The following MIPEP variants were observed in gnomAD, a reference collection of about 807,000 sequenced individuals.
The protein encoded by MIPEP is mitochondrial intermediate peptidase.
Under a neutral mutation model 90.3 loss-of-function variants are expected in MIPEP, and 79 were observed. The ratio of observed to expected loss-of-function variants is 0.87; its 90% CI spans 0.73 to 1.05. The LOEUF (loss-of-function observed/expected upper bound fraction) is 1.05, where lower values mean the gene tolerates loss of function less well. MIPEP is among the 50% of genes least tolerant of loss of function. The pLI is 0.00. For synonymous variants in MIPEP, 334 were observed against 315.8 expected (o/e 1.06, Z -0.61); for missense variants, 940 against 905.6 (o/e 1.04, Z -0.49).
chr13:23,881,056 A>G (rs530844433), intron 3 of MIPEP, among the ~76,000 whole-genome samples: 1 of 152,212 alleles, frequency 6.6e-6, no homozygotes, highest in African/African-American at 2.4e-5. Context: ...TGGAGCTCTT[A>G]TAAGTGGCTT....
At chr13:23,791,881 G>C (rs1470733805) in intron 16 of MIPEP, among the ~76,000 whole-genome samples, 2 of 152,118 alleles carry the variant, frequency 1.3e-5, no homozygotes, top group Non-Finnish European at 2.9e-5. Flanking sequence ...CCACTCAACT[G>C]ATAATGTTCT....
intron 4 of MIPEP, among the ~76,000 whole-genome samples, chr13:23,878,193 T>C (rs1871145530): frequency 6.6e-6 from 1 of 152,226 alleles, no homozygotes; most frequent in South Asian, 2.1e-4. Flanking sequence ...TTAATAGGCA[T>C]TCGACTTTTC....
At chr13:23,876,975 TCTTA>T (rs1566026473) in intron 4 of MIPEP, among the ~76,000 whole-genome samples, 1 of 152,216 alleles carries the variant, frequency 6.6e-6, no homozygotes, top group East Asian at 1.9e-4. Flanking sequence ...TACCAAATAG[TCTTA>T]CTGTTTATGT....
chr13:23,808,414 A>G (rs1953136449), intron 15 of MIPEP, among the ~76,000 whole-genome samples: 1 of 151,992 alleles, frequency 6.6e-6, no homozygotes, highest in Non-Finnish European at 1.5e-5. Flanking sequence ...AACACTGTTT[A>G]TGTCCCCATA....
chr13:23,812,954 TA>T (rs1292060030), intron 14 of MIPEP, among the ~76,000 whole-genome samples: 2 of 152,084 alleles, frequency 1.3e-5, no homozygotes, highest in African/African-American at 4.8e-5. Context: ...AAATCACAAA[TA>T]AAAAATACAC....
chr13:23,872,857 C>A (rs1870885552), intron 5 of MIPEP, among the ~76,000 whole-genome samples: 1 of 152,154 alleles, frequency 6.6e-6, no homozygotes, highest in South Asian at 2.1e-4. Context: ...TCTCTACTAG[C>A]AACCTTCCTT....
At chr13:23,876,167 C>T (rs1461001598) in intron 4 of MIPEP, among the ~76,000 whole-genome samples, 4 of 152,102 alleles carry the variant, frequency 2.6e-5, no homozygotes, top group Non-Finnish European at 5.9e-5. Context: ...TCAATTTACC[C>T]GTAACTAGAG....
At chr13:23,748,364 C>T (rs1362474369) in intron 18 of MIPEP, among the ~76,000 whole-genome samples, 4 of 152,194 alleles carry the variant, frequency 2.6e-5, no homozygotes, top group Admixed American at 2.0e-4. Flanking sequence ...GTCAGTTGCC[C>T]TCCTATCACA....
chr13:23,810,791 T>C (rs138716000), intron 14 of MIPEP, among the ~76,000 whole-genome samples: 4 of 152,364 alleles, frequency 2.6e-5, no homozygotes, highest in East Asian at 3.9e-4. Flanking sequence ...TGTAGGAGTC[T>C]ACTCGGCAGA....
intron 18 of MIPEP, among the ~76,000 whole-genome samples, chr13:23,748,041 T>C (rs1176549023): frequency 6.6e-6 from 1 of 151,970 alleles, no homozygotes; most frequent in Non-Finnish European, 1.5e-5. Context: ...GCCTGGCCTG[T>C]TTTGTTTTGT....
intron 11 of MIPEP, 141 bp downstream of exon 11, chr13:23,841,194 G>A (rs1226586361): frequency 2.9e-6 from 2 of 681,626 alleles, no homozygotes; most frequent in Admixed American, 3.5e-5. Flanking sequence ...GTGCAATTTG[G>A]ATTTTTTTTG....
rs573304866 is a variant in MIPEP at position 23,766,886 on chromosome 13, G to A, written c.1849-6669C>T. On this transcript the variant is annotated intron_variant, in intron 16 of 18. Transcript: ENST00000382172. ...ACCAACTGAATATGGCAGTGGTTCC[G>A]GATGTCACTCCTGTGAATACATTGT... is the stretch of plus-strand genomic sequence containing the variant. Among the ~76,000 whole-genome samples, 5 of 152,318 alleles carry A rather than the reference G, an allele frequency of 3.3e-5. No homozygotes were observed. The South Asian group carries it at 8.3e-4, about 25-fold the overall frequency.
chr13:23,746,926 A>G (rs1952390055), intron 18 of MIPEP, among the ~76,000 whole-genome samples: 1 of 152,188 alleles, frequency 6.6e-6, no homozygotes, highest in Non-Finnish European at 1.5e-5. Flanking sequence ...TTTATACAGA[A>G]AGTAGATGAT....
intron 16 of MIPEP, among the ~76,000 whole-genome samples, chr13:23,794,275 G>A (rs1429333979): frequency 6.6e-6 from 1 of 152,178 alleles, no homozygotes; most frequent in African/African-American, 2.4e-5. Context: ...GAGGGAGACT[G>A]TATTGTAAAG....
intron 14 of MIPEP, among the ~76,000 whole-genome samples, chr13:23,834,555 T>C (rs1231071185): frequency 6.6e-6 from 1 of 152,248 alleles, no homozygotes. Context: ...CTGGTAAATA[T>C]TAAAACTCAG....
chr13:23,870,369 ATTTTAC>A (rs150860773), intron 5 of MIPEP, among the ~76,000 whole-genome samples, 174 bp from the exon 6 acceptor site: 6,380 of 151,790 alleles, frequency 0.042, 424 homozygotes, highest in African/African-American at 0.15. Context: ...TAATATATTA[ATTTTAC>A]TTTTAACAGA....
intron 2 of MIPEP, among the ~76,000 whole-genome samples, chr13:23,884,736 A>C (rs1247748353): frequency 1.3e-5 from 2 of 152,256 alleles, no homozygotes; most frequent in Non-Finnish European, 2.9e-5. Flanking sequence ...TATAAACTCC[A>C]TGAAGTAACA....
At chr13:23,753,133 CAGG>C (rs1403869593) in intron 18 of MIPEP, among the ~76,000 whole-genome samples, 2 of 150,360 alleles carry the variant, frequency 1.3e-5, no homozygotes, top group African/African-American at 2.4e-5. Context: ...GAGGCTGAGG[CAGG>C]AGAAGTGCAT....
At chr13:23,845,317 A>G (rs982355936) in intron 10 of MIPEP, among the ~76,000 whole-genome samples, 4 of 152,200 alleles carry the variant, frequency 2.6e-5, no homozygotes, top group Non-Finnish European at 4.4e-5. Context: ...TGTGTTGTAC[A>G]TGAGCAGAGG....
Sources: gnomAD v4.1 joint callset for allele counts (sites outside exome capture counted in the v4.1 genomes callset) on GRCh38, gnomAD v4.1.1 for gene constraint, MANE v1.5 for transcripts, NCBI Gene and HGNC (gene_info 2026-07-23, HGNC 2026-07-21) for gene names.